The following IPO11 variants were observed in gnomAD, a reference collection of about 807,000 sequenced individuals.
IPO11 encodes the protein importin 11.
IPO11 carries 66 observed loss-of-function variants against 143.2 expected under a neutral mutation model. The ratio of observed to expected loss-of-function variants is 0.46; its 90% CI spans 0.38 to 0.57. IPO11 has a LOEUF of 0.57. IPO11 is among the 20% of genes least tolerant of loss of function. The pLI, the probability that IPO11 is intolerant of heterozygous loss-of-function variation, is 0.00. For synonymous variants in IPO11, 385 were observed against 377.8 expected (o/e 1.02, Z -0.22); for missense variants, 1,026 against 1,141.0 (o/e 0.90, Z 1.45).
intron 27 of IPO11, chr5:62,580,934 A>C: frequency 1.3e-6 from 2 of 1,551,362 alleles, no homozygotes; most frequent in Non-Finnish European, 1.7e-6. Context: ...TTGGAAAAAA[A>C]CAGTGCTCTA....
chr5:62,554,640 A>C (rs921625467), intron 26 of IPO11, among the ~76,000 whole-genome samples: 2 of 139,680 alleles, frequency 1.4e-5, no homozygotes, highest in East Asian at 2.1e-4. Context: ...GTGTGTTTTT[A>C]TGCTGGTACC....
intron 8 of IPO11, among the ~76,000 whole-genome samples, chr5:62,476,467 G>A (rs2112210318): frequency 6.6e-6 from 1 of 152,244 alleles, no homozygotes; most frequent in East Asian, 1.9e-4. Flanking sequence ...ATAAAAGTGA[G>A]TTCAGTTCAT....
chr5:62,512,953 G>A (rs1741815776), intron 19 of IPO11, among the ~76,000 whole-genome samples: 1 of 146,362 alleles, frequency 6.8e-6, no homozygotes, highest in Non-Finnish European at 1.5e-5. Flanking sequence ...TCTTAGTACA[G>A]AACAAAATGA....
intron 5 of IPO11, among the ~76,000 whole-genome samples, chr5:62,465,398 A>G (rs1442622602): frequency 6.6e-6 from 1 of 152,246 alleles, no homozygotes; most frequent in Non-Finnish European, 1.5e-5. Flanking sequence ...TACTGAAGTT[A>G]TAAGTAAAGC....
At chr5:62,519,003 A>C (rs1045142997) in intron 20 of IPO11, among the ~76,000 whole-genome samples, 7 of 152,178 alleles carry the variant, frequency 4.6e-5, no homozygotes, top group African/African-American at 1.7e-4. Context: ...ACATATTGCT[A>C]TTGGGGGTAC....
chr5:62,589,451 G>T (rs1744931191), intron 27 of IPO11, among the ~76,000 whole-genome samples: 1 of 152,112 alleles, frequency 6.6e-6, no homozygotes, highest in Non-Finnish European at 1.5e-5. Context: ...ACCCACCCAA[G>T]ATGAAACCCA....
At chr5:62,608,317 A>G (rs1048741275) in intron 29 of IPO11, among the ~76,000 whole-genome samples, 3 of 152,210 alleles carry the variant, frequency 2.0e-5, no homozygotes, top group Admixed American at 6.5e-5. Context: ...TGGACAAGCT[A>G]TAGCCCTCAC....
At chr5:62,426,027 C>T (rs1350094465) in intron 1 of IPO11, among the ~76,000 whole-genome samples, 1 of 152,176 alleles carries the variant, frequency 6.6e-6, no homozygotes, top group Non-Finnish European at 1.5e-5. Flanking sequence ...GACTCAGAGT[C>T]CCCTGGGTGA....
At chr5:62,421,843 G>A (rs1404329622) in intron 1 of IPO11, among the ~76,000 whole-genome samples, 3 of 152,158 alleles carry the variant, frequency 2.0e-5, no homozygotes, top group Non-Finnish European at 2.9e-5. Context: ...TAAATACAAT[G>A]ACAGGCTGAG....
In IPO11 at chr5:62,443,091, CCAT is replaced by C; in HGVS notation, c.239+11_239+13del. 2 of 1,528,108 alleles carry C rather than the reference CCAT, an allele frequency of 1.3e-6. No individual in the cohort carries two copies. The highest frequency in any genetic ancestry group is 1.8e-6 in the Non-Finnish European group (2 of 1,107,838). The allele number at this position is 1,528,108 out of a possible 1,614,324, so 94.7% of individuals were successfully genotyped here. On this transcript the variant is annotated intron_variant, in intron 3 of 29. Transcript: ENST00000325324. ...GAGACGTGTAGCACCTCAGTAAGTT[CCAT>C]CACTTCCCCTATTCCTTGAGTATAA... is the stretch of plus-strand genomic sequence containing the variant.
At chr5:62,621,377 A>T (rs1020924193) in intron 29 of IPO11, among the ~76,000 whole-genome samples, 3 of 152,222 alleles carry the variant, frequency 2.0e-5, no homozygotes, top group African/African-American at 7.2e-5. Flanking sequence ...ACCTGTTAAC[A>T]GGTCCCCATC....
intron 5 of IPO11, among the ~76,000 whole-genome samples, chr5:62,456,572 T>A (rs1276502978): frequency 6.6e-6 from 1 of 152,158 alleles, no homozygotes; most frequent in Non-Finnish European, 1.5e-5. Flanking sequence ...TCCTCTCACC[T>A]CAGCCTCCCA....
chr5:62,495,277 T>A lies in IPO11; in HGVS notation c.1590+1153T>A, dbSNP rs189870309. Among the ~76,000 whole-genome samples the A allele has an allele frequency of 2.7e-4, 41 of 152,366 alleles. No individual in the cohort carries two copies. The East Asian group carries it at 7.5e-3, about 28-fold the overall frequency. On this transcript the variant is annotated intron_variant, in intron 16 of 29. Transcript: ENST00000325324. ...AATATAACTTAGCTACTTCTAAAAT[T>A]TCTATTTGCTAAAATTAATTTTCTT... is the stretch of plus-strand genomic sequence containing the variant.
chr5:62,421,812 G>A (rs1260813851), intron 1 of IPO11, among the ~76,000 whole-genome samples: 3 of 152,206 alleles, frequency 2.0e-5, no homozygotes, highest in Non-Finnish European at 4.4e-5. Flanking sequence ...GCACATGCAT[G>A]TTTGAACAAA....
intron 25 of IPO11, among the ~76,000 whole-genome samples, chr5:62,550,719 C>CT (rs1743359563): frequency 6.6e-6 from 1 of 152,022 alleles, no homozygotes; most frequent in Non-Finnish European, 1.5e-5. Flanking sequence ...TGGTGAGTGG[C>CT]TTAATTCCAA....
intron 8 of IPO11, 97 bp from the exon 9 acceptor site, chr5:62,476,586 C>T: frequency 1.5e-6 from 2 of 1,295,052 alleles, no homozygotes; most frequent in Non-Finnish European, 1.0e-6. Flanking sequence ...GCAAAATATG[C>T]AAAAATAAAA....
At chr5:62,424,292 A>G (rs1387846414) in intron 1 of IPO11, among the ~76,000 whole-genome samples, 1 of 151,972 alleles carries the variant, frequency 6.6e-6, no homozygotes, top group African/African-American at 2.4e-5. Flanking sequence ...GGTGCCCGCC[A>G]CCACGCCCGG....
In IPO11 at chr5:62,467,139, T is replaced by C. The variant is rs1019111579; in HGVS notation, c.525T>C (p.Ser175=). The stretch of plus-strand genomic sequence containing the variant: ...TTGCCTTTTCTTTGCAGTTAGCTTC[T>C]GGAATTTATAATTTTGCCTGCTCTC... ...ADRKLFYDLA[S]GIYNFACSLW... Residue 175 remains serine, a synonymous_variant, in exon 6 of 30, where the codon TCT becomes TCC. Coordinates refer to ENST00000325324, the MANE Select transcript of IPO11 (RefSeq NM_016338.5). 1.9e-6 allele frequency: 3 copies of C among 1,608,168 alleles called. No individual in the cohort carries two copies. The highest frequency in any genetic ancestry group is 3.4e-5 in the Admixed American group (2 of 58,132).
At chr5:62,532,543 T>A (rs1742587315) in intron 22 of IPO11, among the ~76,000 whole-genome samples, 1 of 151,852 alleles carries the variant, frequency 6.6e-6, no homozygotes, top group Non-Finnish European at 1.5e-5. Flanking sequence ...TTTTTAGTAG[T>A]GATGGGGTTT....
Sources: allele counts gnomAD v4.1 joint callset (sites outside exome capture counted in the v4.1 genomes callset), GRCh38; gene constraint gnomAD v4.1.1; transcripts MANE v1.5; gene names NCBI Gene and HGNC (gene_info 2026-07-23, HGNC 2026-07-21).